Variants in DMBT1 observed in about 807,000 individuals in gnomAD.
The protein encoded by DMBT1 is deleted in malignant brain tumors 1, also known as scavenger receptor cysteine-rich domain-containing protein DMBT1.
In DMBT1, 198 loss-of-function variants were observed where a neutral mutation model predicts 252.9. The observed-to-expected ratio is 0.78, with a 90% CI of 0.70 to 0.88. The LOEUF (loss-of-function observed/expected upper bound fraction) is 0.88. Among genes scored for constraint, DMBT1 ranks in the 40% least tolerant of loss-of-function variants. The pLI, the probability that DMBT1 is intolerant of heterozygous loss-of-function variation, is 0.00. For synonymous variants in DMBT1, 990 were observed against 942.7 expected (o/e 1.05, Z -0.92); for missense variants, 2,432 against 2,404.7 (o/e 1.01, Z -0.24).
chr10:122,623,508 T>G (rs2098089864), intron 44 of DMBT1, among the ~76,000 whole-genome samples: 1 of 152,222 alleles, frequency 6.6e-6, no homozygotes. Context: ...GCACCAAATT[T>G]GCATTCCCCC....
rs558003325 is a variant in DMBT1, at chr10:122,580,974, C to T, written c.1033+79C>T. The stretch of plus-strand genomic sequence containing the variant: ...CCCTTCCACACTCCACAGAGCTCTC[C>T]TGTTTCTCTGTGTGGATACTGTGGG... On this transcript the variant is annotated intron_variant, in intron 11 of 55. Coordinates refer to ENST00000338354, the MANE Select transcript of DMBT1 (RefSeq NM_001377530.1). 43 of 1,550,910 alleles carry T rather than the reference C, an allele frequency of 2.8e-5. No individual in the cohort carries two copies. The African/African-American group carries it at 3.9e-4, about 14-fold the overall frequency.
chr10:122,575,118 T>C (rs2097700711), intron 6 of DMBT1, among the ~76,000 whole-genome samples: 1 of 152,212 alleles, frequency 6.6e-6, no homozygotes, highest in African/African-American at 2.4e-5. Context: ...AGGGGAATAT[T>C]AGAAGCATTT....
At chr10:122,600,589 G>T (rs1030034183) in intron 27 of DMBT1, among the ~76,000 whole-genome samples, 6 of 151,976 alleles carry the variant, frequency 3.9e-5, no homozygotes, top group Non-Finnish European at 5.9e-5. Flanking sequence ...AAAGGTTTGT[G>T]ATGTCACTGC....
At chr10:122,588,599 G>A (rs1217588693) in intron 16 of DMBT1, among the ~76,000 whole-genome samples, 1 of 148,746 alleles carries the variant, frequency 6.7e-6, no homozygotes, top group Non-Finnish European at 1.5e-5. Context: ...GACCATGGGG[G>A]TGCCACCTAA....
intron 1 of DMBT1, among the ~76,000 whole-genome samples, chr10:122,563,150 A>T (rs1006215288): frequency 1.3e-5 from 2 of 152,208 alleles, no homozygotes; most frequent in African/African-American, 4.8e-5. Context: ...AAAACTCAGT[A>T]TGCCCAGGTT....
chr10:122,572,630 C>T (rs1415093436), intron 5 of DMBT1, among the ~76,000 whole-genome samples: 2 of 151,800 alleles, frequency 1.3e-5, no homozygotes, highest in African/African-American at 4.8e-5. Flanking sequence ...TGAGTGGTAC[C>T]ACCCCTTTTC....
intron 25 of DMBT1, among the ~76,000 whole-genome samples, chr10:122,598,327 C>T (rs2097904456): frequency 6.6e-6 from 1 of 152,166 alleles, no homozygotes. Context: ...AGCCCATGGG[C>T]TGCAGAGGTG....
chr10:122,643,163 C>T lies in DMBT1; in HGVS notation c.7394C>T (p.Ser2465Phe). ...ACCTACGGACCCTACTCCTCGCCAT[C>T]TCTTCGCATTGCCCGCTTCCGGTTC... Reference protein sequence around the residue: ...DDTYGPYSSPSLRIARFRFRA... With the variant: ...DDTYGPYSSPFLRIARFRFRA... The change falls in exon 56 of 56, where the codon TCT becomes TTT. Residue 2465 changes from serine (S) to phenylalanine (F), a missense_variant. By Grantham distance (155) the Ser-to-Phe change is radical. Coordinates refer to ENST00000338354, the MANE Select transcript of DMBT1 (RefSeq NM_001377530.1). The T allele has an allele frequency of 6.2e-7, 1 of 1,614,012 alleles. No individual in the cohort carries two copies. Among genetic ancestry groups the T allele is most frequent in the Admixed American group, 1.7e-5 (1 of 60,028 alleles).
At position 122,636,168 on chromosome 10, in the gene DMBT1, G is replaced by A; in HGVS notation, c.6726G>A (p.Glu2242=). 6.2e-7 allele frequency: 1 copy of A among 1,613,882 alleles called. No homozygotes were observed. Residue 2242 remains glutamate (E), a synonymous_variant, in exon 53 of 56, where the codon GAG becomes GAA. Coordinates refer to ENST00000338354, the MANE Select transcript of DMBT1 (RefSeq NM_001377530.1). ...TCACAAGGAGAGGGTTCCGGGCTGA[G>A]TACTACTCCAGTCCCTCCAATGACA... ...HSITRRGFRA[E]YYSSPSNDST...
chr10:122,597,499 C>A (rs943090671), intron 24 of DMBT1, among the ~76,000 whole-genome samples: 1 of 152,178 alleles, frequency 6.6e-6, no homozygotes, highest in Non-Finnish European at 1.5e-5. Context: ...TCACTCCTTC[C>A]AACACCCCAG....
At chr10:122,588,896 TTG>T in intron 16 of DMBT1, 46 bp from the exon 17 acceptor site, 1 of 1,585,590 alleles carries the variant, frequency 6.3e-7, no homozygotes, top group Non-Finnish European at 8.6e-7. Context: ...CCTTAGATCC[TTG>T]ACCTGCTGAT....
Position 122,600,164 on chromosome 10 carries a change from G to A in DMBT1, c.3310+71G>A, listed in dbSNP as rs2097931253. On this transcript the variant is annotated intron_variant, in intron 27 of 55. Coordinates refer to ENST00000338354, the MANE Select transcript of DMBT1 (RefSeq NM_001377530.1). ...CCAATCACCCCTTCCACACTCCACA[G>A]AGCTCTCCTGTTTCTCTGTGTGGAT... The A allele has an allele frequency of 1.9e-6, 3 of 1,550,728 alleles. 1 individual carries two copies. Among genetic ancestry groups the A allele is most frequent in the African/African-American group, 2.9e-5 (2 of 70,064 alleles).
In DMBT1 at chr10:122,619,327, G is replaced by C. The variant is rs764620172; in HGVS notation, c.5235G>C (p.Thr1745=). 1 of 1,613,870 alleles carries C rather than the reference G, an allele frequency of 6.2e-7. No individual in the cohort carries two copies. Among genetic ancestry groups the C allele is most frequent in the Non-Finnish European group, 8.5e-7 (1 of 1,179,852 alleles). The part of the protein sequence containing the change: ...VICSAAQSQS[T]PRPDTWLTTN... ...TCACAGCTGCTCAGTCCCAGTCAAC[G>C]CCCAGGCCAGGTGAGTCCCCAGCAT... The change falls in exon 42 of 56, where the codon ACG becomes ACC. Residue 1745 remains threonine (T), a synonymous_variant. Coordinates refer to ENST00000338354, the MANE Select transcript of DMBT1 (RefSeq NM_001377530.1).
rs763791912 is a variant in DMBT1 at position 122,640,057 on chromosome 10, C to T, written c.6960C>T (p.Ile2320=). 19 of 1,613,702 alleles carry T rather than the reference C, an allele frequency of 1.2e-5. No homozygotes were observed. Among genetic ancestry groups the T allele is most frequent in the South Asian group, 2.2e-5 (2 of 91,046 alleles). Residue 2320 remains isoleucine (I), a synonymous_variant, in exon 55 of 56, where the codon ATC becomes ATT. Transcript: ENST00000338354. ...TCTCCTAGGCAGACAATGACACCAT[C>T]GACTATTCCAACTTCCTCACAGCAG... is the stretch of plus-strand genomic sequence containing the variant. ...GTFKQADNDT[I]DYSNFLTAAV...
chr10:122,637,180 C>G lies in DMBT1; in HGVS notation c.6810C>G (p.Leu2270=). ...HMQASVSRSY[L]QSLGFSASDL... ...AAGCCAGTGTGAGCAGGAGCTATCT[C>G]CAATCCTTGGGCTTTTCTGCCAGTG... Residue 2270 remains leucine, a synonymous_variant, in exon 54 of 56, where the codon CTC becomes CTG. Coordinates refer to ENST00000338354, the MANE Select transcript of DMBT1 (RefSeq NM_001377530.1). 2 of 1,614,048 alleles carry G rather than the reference C, an allele frequency of 1.2e-6. No individual in the cohort carries two copies. Among genetic ancestry groups the G allele is most frequent in the Non-Finnish European group, 1.7e-6 (2 of 1,179,904 alleles).
chr10:122,570,156 T>C lies in DMBT1; in HGVS notation c.92-6T>C, dbSNP rs3740220. 1,089,688 of 1,564,214 alleles carry C rather than the reference T, an allele frequency of 0.7. 384,556 individuals are homozygous for C. Among genetic ancestry groups the C allele is most frequent in the Admixed American group, 0.82 (48,839 of 59,880 alleles). On this transcript the variant is annotated splice_polypyrimidine_tract_variant and splice_region_variant and intron_variant, in intron 2 of 55. Coordinates refer to ENST00000338354, the MANE Select transcript of DMBT1 (RefSeq NM_001377530.1). ...ATCAATGAGCTCTTCCTTTTCCACC[T>C]CGCAGCTTCACTGATTCCCTCGGAG...
chr10:122,634,732 G>A (rs1409684841), intron 52 of DMBT1, among the ~76,000 whole-genome samples: 1 of 152,010 alleles, frequency 6.6e-6, no homozygotes, highest in Non-Finnish European at 1.5e-5. Context: ...CCTGGCCTCA[G>A]GTTATCCTCC....
rs931812184 is a variant in DMBT1 at position 122,589,198 on chromosome 10, A to T, written c.2038A>T (p.Ser680Cys). The T allele has an allele frequency of 1.3e-5, 21 of 1,588,318 alleles. 1 individual carries two copies. Among genetic ancestry groups the T allele is most frequent in the Non-Finnish European group, 1.6e-5 (19 of 1,165,688 alleles). Residue 680 changes from serine (S) to cysteine (C), a missense_variant, in exon 17 of 56, where the codon AGC becomes TGC. This residue lies in a region of DMBT1 where 1,264 missense variants were observed against 1,082.2 expected (regional missense o/e 1.17). Transcript: ENST00000338354. ...RCSGHESYLW[S>C]CPNNGWLSHN... is the part of the protein sequence containing the mutation. ...CTCAGGACATGAGTCCTACCTGTGG[A>T]GCTGCCCCAACAATGGCTGGCTCTC...
Position 122,636,044 on chromosome 10 carries a change from G to T in DMBT1, c.6602G>T (p.Arg2201Leu). ...ATTGAAGTTTTCGATGGCCCCTACCGCAGTTCCCCTCTCATTGCTCGAGTT... is the reference window on the plus strand; with the variant it reads ...ATTGAAGTTTTCGATGGCCCCTACCTCAGTTCCCCTCTCATTGCTCGAGTT... ...DYIEVFDGPY[R>L]SSPLIARVCD... The change falls in exon 53 of 56, where the codon CGC (arginine) becomes CTC (leucine). Residue 2201 changes from arginine (R) to leucine (L), a missense_variant. This residue lies in a region of DMBT1 where 1,162 missense variants were observed against 1,169.0 expected (regional missense o/e 0.99). Coordinates refer to ENST00000338354, the MANE Select transcript of DMBT1 (RefSeq NM_001377530.1). The T allele has an allele frequency of 1.2e-6, 2 of 1,613,962 alleles. No homozygotes were observed. Among genetic ancestry groups the T allele is most frequent in the Non-Finnish European group, 1.7e-6 (2 of 1,179,880 alleles).
Sources: gnomAD v4.1 joint callset for allele counts (sites outside exome capture counted in the v4.1 genomes callset) on GRCh38, gnomAD v4.1.1 for gene constraint, gnomAD v4.1.1 regional missense constraint, MANE v1.5 for transcripts, NCBI Gene and HGNC (gene_info 2026-07-23, HGNC 2026-07-21) for gene names.